Variants in ELAVL4 observed in about 807,000 individuals in gnomAD.
ELAVL4 encodes the protein ELAV like RNA binding protein 4, also known as ELAV-like protein 4.
Under a neutral mutation model 35.6 loss-of-function variants are expected in ELAVL4, and 1 was observed. The ratio of observed to expected loss-of-function variants is 0.03; its 90% CI spans 0.01 to 0.13. The LOEUF (loss-of-function observed/expected upper bound fraction) is 0.13, where lower values mean the gene tolerates loss of function less well. Among genes scored for constraint, ELAVL4 ranks in the 10% least tolerant of loss-of-function variants. ELAVL4 has a pLI of 1.00. For synonymous variants in ELAVL4, 156 were observed against 171.0 expected, an observed-to-expected ratio of 0.91 and a Z score of 0.69; for missense variants, 267 against 464.9, an observed-to-expected ratio of 0.57 and a Z score of 3.91.
intron 1 of ELAVL4, among the ~76,000 whole-genome samples, chr1:50,087,833 C>T (rs1665319023): frequency 6.6e-6 from 1 of 152,208 alleles, no homozygotes; most frequent in African/African-American, 2.4e-5. Flanking sequence ...TAGAACCCAA[C>T]CATGCTGGCA....
intron 1 of ELAVL4, among the ~76,000 whole-genome samples, chr1:50,140,598 A>AT (rs201011246): frequency 3.1e-4 from 47 of 149,706 alleles, no homozygotes; most frequent in Non-Finnish European, 4.6e-4. Context: ...TACATTTCTG[A>AT]TTTTTTTTTT....
chr1:50,051,977 C>T (rs746713719), intron 1 of ELAVL4, among the ~76,000 whole-genome samples: 2 of 152,104 alleles, frequency 1.3e-5, no homozygotes, highest in Admixed American at 6.6e-5. Flanking sequence ...GCTCTGTTTA[C>T]GGCCTAATCT....
At chr1:50,083,678 A>ATT (rs991638500) in intron 1 of ELAVL4, among the ~76,000 whole-genome samples, 4 of 152,128 alleles carry the variant, frequency 2.6e-5, no homozygotes, top group African/African-American at 9.7e-5. Flanking sequence ...CAAATCAAGC[A>ATT]TTTCTCCAGG....
chr1:50,113,444 A>G (rs1157945282), intron 1 of ELAVL4, among the ~76,000 whole-genome samples: 2 of 152,178 alleles, frequency 1.3e-5, no homozygotes, highest in Admixed American at 6.5e-5. Context: ...GTCATCATAC[A>G]TAGACGAAAG....
At chr1:50,127,702 CT>C (rs1275473851) in intron 1 of ELAVL4, among the ~76,000 whole-genome samples, 1 of 152,014 alleles carries the variant, frequency 6.6e-6, no homozygotes, top group Non-Finnish European at 1.5e-5. Context: ...TAACATTATC[CT>C]ATTGATATGC....
At chr1:50,197,655 T>C (rs1644138956) in intron 6 of ELAVL4, 188 bp downstream of exon 6, 3 of 486,926 alleles carry the variant, frequency 6.2e-6, no homozygotes, top group South Asian at 8.7e-5. Flanking sequence ...GCACACAAAA[T>C]GTATTTGTGT....
Position 50,151,288 on chromosome 1 carries a change from G to A in ELAVL4, c.250+6091G>A, listed in dbSNP as rs981352938. On this transcript the variant is annotated intron_variant, in intron 2 of 6. Coordinates refer to ENST00000371824, the MANE Select transcript of ELAVL4 (RefSeq NM_001144774.3). ...CTAGGGAATGAAATTTTTGAATACC[G>A]GGAAAACATAATTAGAGCTCAGAAT... is the stretch of plus-strand genomic sequence containing the variant. Among the ~76,000 whole-genome samples, 12 of 152,198 alleles carry A rather than the reference G, an allele frequency of 7.9e-5. No individual in the cohort carries two copies. In the South Asian group the frequency reaches 8.3e-4, roughly 11 times the overall value.
intron 1 of ELAVL4, among the ~76,000 whole-genome samples, chr1:50,137,105 A>C (rs773006840): frequency 6.6e-6 from 1 of 152,208 alleles, no homozygotes; most frequent in African/African-American, 2.4e-5. Context: ...GCTATTAAGA[A>C]GTAAAAGAGT....
At chr1:50,048,235 T>C in intron 1 of ELAVL4, 1 of 1,463,232 alleles carries the variant, frequency 6.8e-7, no homozygotes, top group Non-Finnish European at 9.1e-7. Context: ...CGCCCTCTGT[T>C]ACGGACACCC....
At chr1:50,153,205 C>A (rs891042687) in intron 2 of ELAVL4, among the ~76,000 whole-genome samples, 5 of 152,182 alleles carry the variant, frequency 3.3e-5, no homozygotes, top group Non-Finnish European at 2.9e-5. Context: ...CACCAAGGCC[C>A]AATCTTACTT....
intron 2 of ELAVL4, among the ~76,000 whole-genome samples, chr1:50,150,503 G>C (rs1055698956): frequency 2.6e-5 from 4 of 152,198 alleles, no homozygotes; most frequent in African/African-American, 4.8e-5. Context: ...ACAATCCTGA[G>C]CGTGTCTCTC....
upstream of ELAVL4, among the ~76,000 whole-genome samples, chr1:50,104,717 A>G (rs2148517143): frequency 6.6e-6 from 1 of 152,346 alleles, no homozygotes; most frequent in African/African-American, 2.4e-5. Flanking sequence ...ATGGTGTTGC[A>G]TGCTTTATAA....
intron 1 of ELAVL4, chr1:50,109,858 G>T: frequency 1.9e-6 from 3 of 1,575,374 alleles, no homozygotes; most frequent in Non-Finnish European, 2.6e-6. Flanking sequence ...CAGCAGCTCT[G>T]TAAGAAGGAA....
At chr1:50,085,645 C>T (rs1003803027) in intron 1 of ELAVL4, among the ~76,000 whole-genome samples, 9 of 152,230 alleles carry the variant, frequency 5.9e-5, no homozygotes, top group Non-Finnish European at 1.0e-4. Context: ...TTTGCGTTGT[C>T]ATTGCTGGCA....
intron 3 of ELAVL4, chr1:50,180,841 G>C (rs1384070214): frequency 6.6e-6 from 1 of 152,168 alleles, no homozygotes; most frequent in Non-Finnish European, 1.5e-5. Flanking sequence ...TAATATGTTA[G>C]CATGAGCTTG....
intron 2 of ELAVL4, among the ~76,000 whole-genome samples, chr1:50,152,319 G>A (rs745546164): frequency 2.0e-5 from 3 of 151,948 alleles, no homozygotes; most frequent in African/African-American, 7.3e-5. Flanking sequence ...AATCAGGCTG[G>A]GTATTTTAAG....
chr1:50,131,053 T>G (rs1015868228), intron 1 of ELAVL4, among the ~76,000 whole-genome samples: 1 of 152,168 alleles, frequency 6.6e-6, no homozygotes, highest in Non-Finnish European at 1.5e-5. Context: ...ACAAATTTTC[T>G]TTGTATCTGT....
intron 1 of ELAVL4, chr1:50,144,505 A>G: frequency 2.2e-6 from 1 of 463,358 alleles, no homozygotes; most frequent in South Asian, 1.6e-5. Flanking sequence ...ATGTCATTTT[A>G]TTTTATGAGA....
At chr1:50,154,251 T>A (rs551512144) in intron 2 of ELAVL4, among the ~76,000 whole-genome samples, 1 of 152,202 alleles carries the variant, frequency 6.6e-6, no homozygotes, top group African/African-American at 2.4e-5. Flanking sequence ...CCTTCTACTT[T>A]GCTAGTAACT....
Sources: gnomAD v4.1 joint callset for allele counts (sites outside exome capture counted in the v4.1 genomes callset) on GRCh38, gnomAD v4.1.1 for gene constraint, MANE v1.5 for transcripts, NCBI Gene and HGNC (gene_info 2026-07-23, HGNC 2026-07-21) for gene names.